TRPS1: variants seen among roughly 807,000 people sequenced by gnomAD.
The protein encoded by TRPS1 is zinc finger transcription factor Trps1.
In TRPS1, 6 loss-of-function variants were observed where a neutral mutation model predicts 101.2. The ratio of observed to expected loss-of-function variants is 0.06; its 90% CI spans 0.03 to 0.12. TRPS1 has a LOEUF of 0.12. TRPS1 is among the 10% of genes least tolerant of loss of function. The pLI, the probability that TRPS1 is intolerant of heterozygous loss-of-function variation, is 1.00. For synonymous variants in TRPS1, 578 were observed against 589.8 expected, an observed-to-expected ratio of 0.98 and a Z score of 0.29; for missense variants, 1,363 against 1,567.0, an observed-to-expected ratio of 0.87 and a Z score of 2.20.
chr8:115,457,236 C>A (rs1814052062), intron 5 of TRPS1, among the ~76,000 whole-genome samples: 1 of 151,922 alleles, frequency 6.6e-6, no homozygotes, highest in Non-Finnish European at 1.5e-5. Flanking sequence ...GATGAATAAG[C>A]AAAATATGGT....
At chr8:115,447,971 G>A (rs143697457) in intron 5 of TRPS1, among the ~76,000 whole-genome samples, 1 of 152,226 alleles carries the variant, frequency 6.6e-6, no homozygotes, top group East Asian at 1.9e-4. Flanking sequence ...GTAAGCCTCT[G>A]ATGTCTTTTC....
chr8:115,456,914 G>A (rs1036956026), intron 5 of TRPS1, among the ~76,000 whole-genome samples: 3 of 151,994 alleles, frequency 2.0e-5, no homozygotes, highest in Non-Finnish European at 2.9e-5. Context: ...GAATTGTGTT[G>A]TTCAAATCTG....
At chr8:115,503,267 A>AAAG (rs1159167018) in intron 5 of TRPS1, among the ~76,000 whole-genome samples, 1 of 151,384 alleles carries the variant, frequency 6.6e-6, no homozygotes, top group Non-Finnish European at 1.5e-5. Context: ...CTCAAAAAAA[A>AAAG]AAAAAAGAAT....
rs1489021885 is a variant in TRPS1 at position 115,411,942 on chromosome 8, A to G, written c.*2081T>C. ...CAACTTTAAGAAACGAAGACCCGGC[A>G]CTGTGAAAAAGAAACAAAACCCAAA... On this transcript the variant is annotated 3_prime_UTR_variant, in exon 7 of 7. Coordinates refer to ENST00000395715, the MANE Select transcript of TRPS1 (RefSeq NM_014112.5). 2 of 152,416 alleles carry G rather than the reference A, an allele frequency of 1.3e-5. No individual in the cohort carries two copies. The highest frequency in any genetic ancestry group is 4.1e-4 in the South Asian group (2 of 4,832). 9.4% of individuals were successfully genotyped at this position (152,416 alleles called of 1,614,324 possible). A position where few individuals can be genotyped will look rare whatever the true frequency, so the allele number is the denominator to read the frequency against.
chr8:115,605,502 T>A (rs1818015640), intron 3 of TRPS1, among the ~76,000 whole-genome samples: 1 of 152,124 alleles, frequency 6.6e-6, no homozygotes, highest in African/African-American at 2.4e-5. Context: ...CAGGCAAAGA[T>A]GAGGTCTCTG....
chr8:115,558,190 C>T (rs768115435), intron 5 of TRPS1, among the ~76,000 whole-genome samples: 5 of 151,786 alleles, frequency 3.3e-5, no homozygotes, highest in Non-Finnish European at 5.9e-5. Context: ...TAGTCTAAGA[C>T]CAGGGATAAA....
chr8:115,410,422 A>C lies in TRPS1; in HGVS notation c.*3601T>G, dbSNP rs1032291066. On this transcript the variant is annotated 3_prime_UTR_variant, in exon 7 of 7. Coordinates refer to ENST00000395715, the MANE Select transcript of TRPS1 (RefSeq NM_014112.5). ...AAAGAATCCCCATGCTTGTTTTATA[A>C]AAATCTACCTTCACTAAAACAGAAC... is the stretch of plus-strand genomic sequence containing the variant. 1 of 152,524 alleles carries C rather than the reference A, an allele frequency of 6.6e-6. No homozygotes were observed. The highest frequency in any genetic ancestry group is 2.4e-5 in the African/African-American group (1 of 41,432). The allele number at this position is 152,524 out of a possible 1,614,324, so 9.4% of individuals were successfully genotyped here. A position where few individuals can be genotyped will look rare whatever the true frequency, so the allele number is the denominator to read the frequency against.
rs1761285801 is a variant in TRPS1 at position 115,413,370 on chromosome 8, G to A, written c.*653C>T. 6.6e-6 allele frequency: 1 copy of A among 152,654 alleles called. No individual in the cohort carries two copies. Among genetic ancestry groups the A allele is most frequent in the Admixed American group, 6.6e-5 (1 of 15,250 alleles). 9.5% of individuals were successfully genotyped at this position (152,654 alleles called of 1,614,324 possible). A position where few individuals can be genotyped will look rare whatever the true frequency, so the allele number is the denominator to read the frequency against. ...CAAAAATATCAGAGAGGGTGTGCAT[G>A]TGTATGTACAGGCAGGGCTGGGTAA... On this transcript the variant is annotated 3_prime_UTR_variant, in exon 7 of 7. Transcript: ENST00000395715.
intron 4 of TRPS1, among the ~76,000 whole-genome samples, chr8:115,592,996 T>C (rs1055023469): frequency 3.9e-5 from 6 of 152,120 alleles, no homozygotes; most frequent in Non-Finnish European, 7.4e-5. Context: ...ATTTTTTTTT[T>C]TTTAAGAAAC....
intron 5 of TRPS1, among the ~76,000 whole-genome samples, chr8:115,422,435 C>T (rs1363441996): frequency 6.6e-6 from 1 of 151,672 alleles, no homozygotes; most frequent in Non-Finnish European, 1.5e-5. Flanking sequence ...GGCGCGATCT[C>T]GGCCCACTGC....
At chr8:115,415,478 A>G (rs1812896461) in intron 6 of TRPS1, among the ~76,000 whole-genome samples, 1 of 152,184 alleles carries the variant, frequency 6.6e-6, no homozygotes, top group African/African-American at 2.4e-5. Flanking sequence ...TAAGAGTAAC[A>G]CAGGAGATAC....
intron 5 of TRPS1, among the ~76,000 whole-genome samples, chr8:115,503,881 CCT>C (rs1354390048): frequency 1.3e-5 from 2 of 152,180 alleles, no homozygotes; most frequent in East Asian, 3.9e-4. Context: ...CATGTTATCC[CCT>C]TATTTGGTAT....
chr8:115,453,429 G>A (rs1415106371), intron 5 of TRPS1, among the ~76,000 whole-genome samples: 2 of 152,172 alleles, frequency 1.3e-5, no homozygotes, highest in African/African-American at 4.8e-5. Context: ...GTGAATCCAT[G>A]TCTCAATGTG....
intron 5 of TRPS1, among the ~76,000 whole-genome samples, chr8:115,504,520 C>G (rs1259079130): frequency 2.0e-5 from 3 of 152,182 alleles, no homozygotes; most frequent in African/African-American, 7.2e-5. Context: ...TGCACACAAC[C>G]TAATGCACCC....
chr8:115,563,160 A>C (rs1355679930), intron 5 of TRPS1, among the ~76,000 whole-genome samples: 1 of 152,074 alleles, frequency 6.6e-6, no homozygotes, highest in Admixed American at 6.6e-5. Flanking sequence ...CCCACCCAAC[A>C]AACATGCATC....
At chr8:115,503,351 C>CA (rs1358576230) in intron 5 of TRPS1, among the ~76,000 whole-genome samples, 2 of 151,192 alleles carry the variant, frequency 1.3e-5, no homozygotes, top group African/African-American at 2.4e-5. Context: ...GGCTAGCTGT[C>CA]AAAAAATAAA....
At chr8:115,627,060 T>C (rs1039798345) in intron 1 of TRPS1, among the ~76,000 whole-genome samples, 2 of 151,708 alleles carry the variant, frequency 1.3e-5, no homozygotes, top group Non-Finnish European at 3.0e-5. Flanking sequence ...CTTTAGGCTA[T>C]AGTCACAATG....
At chr8:115,623,946 C>T (rs1818451892) in intron 1 of TRPS1, among the ~76,000 whole-genome samples, 188 bp from the exon 2 acceptor site, 1 of 151,938 alleles carries the variant, frequency 6.6e-6, no homozygotes, top group African/African-American at 2.4e-5. Context: ...GAAGGAGGAA[C>T]ATGATATAAA....
At chr8:115,593,971 A>C (rs1360476625) in intron 4 of TRPS1, among the ~76,000 whole-genome samples, 1 of 152,096 alleles carries the variant, frequency 6.6e-6, no homozygotes, top group Non-Finnish European at 1.5e-5. Flanking sequence ...TCACACATCT[A>C]TTGATTCCCC....
Sources: allele counts gnomAD v4.1 joint callset (sites outside exome capture counted in the v4.1 genomes callset), GRCh38; gene constraint gnomAD v4.1.1; transcripts MANE v1.5; gene names NCBI Gene and HGNC (gene_info 2026-07-23, HGNC 2026-07-21).